Variants in ANO10 observed in about 807,000 individuals in gnomAD.
The protein encoded by ANO10 is anoctamin-10.
A neutral mutation model predicts 74.7 loss-of-function variants in ANO10; 77 were observed. That is an observed-to-expected ratio of 1.03 (90% CI 0.86 to 1.25). ANO10 has a LOEUF of 1.25. ANO10 is among the 50% of genes most tolerant of loss of function. ANO10 has a pLI of 0.00. For synonymous variants in ANO10, 279 were observed against 284.9 expected (o/e 0.98, Z 0.21); for missense variants, 721 against 778.1 (o/e 0.93, Z 0.87).
At chr3:43,675,574 C>T (rs1262527183) in intron 1 of ANO10, among the ~76,000 whole-genome samples, 3 of 151,842 alleles carry the variant, frequency 2.0e-5, no homozygotes, top group Non-Finnish European at 2.9e-5. Flanking sequence ...ATTGATACCT[C>T]ATTTTGAAAA....
At chr3:43,612,485 G>A (rs1264913096) in intron 1 of ANO10, among the ~76,000 whole-genome samples, 1 of 152,004 alleles carries the variant, frequency 6.6e-6, no homozygotes, top group Non-Finnish European at 1.5e-5. Flanking sequence ...CAAAATAGTG[G>A]AGCCAAGCTG....
chr3:43,437,160 T>C (rs1283616337), intron 11 of ANO10, among the ~76,000 whole-genome samples: 2 of 152,218 alleles, frequency 1.3e-5, no homozygotes, highest in African/African-American at 4.8e-5. Flanking sequence ...CATGTACATC[T>C]ACTTCTTCTA....
intron 1 of ANO10, among the ~76,000 whole-genome samples, chr3:43,668,968 ATTAT>A (rs1342154723): frequency 6.6e-6 from 1 of 152,150 alleles, no homozygotes; most frequent in Non-Finnish European, 1.5e-5. Context: ...CTTTAAAAAC[ATTAT>A]TTTAGTTGTT....
intron 11 of ANO10, among the ~76,000 whole-genome samples, chr3:43,543,951 A>T (rs940322921): frequency 3.3e-5 from 5 of 152,180 alleles, no homozygotes; most frequent in South Asian, 2.1e-4. Flanking sequence ...TGATAGGTAC[A>T]TCTTGCCAAG....
At chr3:43,392,460 C>T (rs1452202853) in intron 12 of ANO10, among the ~76,000 whole-genome samples, 1 of 152,210 alleles carries the variant, frequency 6.6e-6, no homozygotes, top group Non-Finnish European at 1.5e-5. Context: ...GATCCCATAT[C>T]AGGAACTGTA....
chr3:43,602,563 T>C (rs1042396566), intron 2 of ANO10, among the ~76,000 whole-genome samples: 1 of 152,312 alleles, frequency 6.6e-6, no homozygotes, highest in South Asian at 2.1e-4. Flanking sequence ...CTCAAACTCC[T>C]GACCTCAAGT....
chr3:43,418,471 C>A (rs1233848980), intron 12 of ANO10, among the ~76,000 whole-genome samples: 1 of 152,178 alleles, frequency 6.6e-6, no homozygotes, highest in African/African-American at 2.4e-5. Flanking sequence ...ATCACATATC[C>A]TTCTTAGTGA....
intron 11 of ANO10, among the ~76,000 whole-genome samples, chr3:43,521,646 G>A (rs1195629204): frequency 6.6e-6 from 1 of 152,200 alleles, no homozygotes; most frequent in Non-Finnish European, 1.5e-5. Context: ...GGAAAATGAA[G>A]TGTTGACGAG....
At chr3:43,520,306 A>C (rs1448401050) in intron 11 of ANO10, among the ~76,000 whole-genome samples, 2 of 152,186 alleles carry the variant, frequency 1.3e-5, no homozygotes, top group African/African-American at 4.8e-5. Flanking sequence ...ATAGCTTATA[A>C]ACAACAGAAA....
At chr3:43,589,404 C>A (rs899566156) in intron 4 of ANO10, among the ~76,000 whole-genome samples, 1 of 152,076 alleles carries the variant, frequency 6.6e-6, no homozygotes, top group Non-Finnish European at 1.5e-5. Flanking sequence ...CTGAAGCAAT[C>A]GGCTGGGCGC....
rs746501335 is a variant in ANO10, at chr3:43,549,701, A to C, written c.1797+19T>G. ...CGTAATATGGATACTGCTTAAAATA[A>C]GTTTAAATCTTTACTTACCTCCACT... On this transcript the variant is annotated intron_variant, in intron 11 of 12. Transcript: ENST00000292246. 6 of 1,613,498 alleles carry C rather than the reference A, an allele frequency of 3.7e-6. No homozygotes were observed. In the East Asian group the frequency reaches 1.1e-4, roughly 30 times the overall value.
Position 43,366,664 on chromosome 3 carries a change from G to T in ANO10, c.*242C>A. The T allele has an allele frequency of 1.7e-6, 1 of 582,184 alleles. No individual in the cohort carries two copies. Among genetic ancestry groups the T allele is most frequent in the Non-Finnish European group, 3.1e-6 (1 of 324,838 alleles). 36.1% of individuals were successfully genotyped at this position (582,184 alleles called of 1,614,324 possible). A position where few individuals can be genotyped will look rare whatever the true frequency, so the allele number is the denominator to read the frequency against. On this transcript the variant is annotated 3_prime_UTR_variant, in exon 13 of 13. Transcript: ENST00000292246. ...AAGTTGGCAGCTGGAGCAGCGTGTG[G>T]GGCCCGGGAAGGAACTGGGAAGGAG... is the stretch of plus-strand genomic sequence containing the variant.
chr3:43,644,292 T>C (rs1327213532), intron 1 of ANO10, among the ~76,000 whole-genome samples: 2 of 152,162 alleles, frequency 1.3e-5, no homozygotes, highest in Admixed American at 1.3e-4. Context: ...CAACACTATG[T>C]ATTTAAAAGC....
chr3:43,519,246 T>C (rs1366524800), intron 11 of ANO10, among the ~76,000 whole-genome samples: 1 of 152,188 alleles, frequency 6.6e-6, no homozygotes, highest in Non-Finnish European at 1.5e-5. Flanking sequence ...TTAACAGCAT[T>C]GTGCCTTATT....
At chr3:43,607,195 T>C (rs1332130374) in intron 1 of ANO10, among the ~76,000 whole-genome samples, 2 of 152,052 alleles carry the variant, frequency 1.3e-5, no homozygotes, top group East Asian at 1.9e-4. Context: ...TTTTTAAAAA[T>C]TTGTGAATAA....
intron 5 of ANO10, among the ~76,000 whole-genome samples, chr3:43,578,618 T>G (rs1170074327): frequency 6.6e-6 from 1 of 151,856 alleles, no homozygotes; most frequent in African/African-American, 2.4e-5. Context: ...GGCATGGTGG[T>G]GTGTACCTGT....
At chr3:43,540,824 A>G (rs1358865617) in intron 11 of ANO10, among the ~76,000 whole-genome samples, 1 of 152,244 alleles carries the variant, frequency 6.6e-6, no homozygotes, top group African/African-American at 2.4e-5. Context: ...TATCTCTTGC[A>G]TAATTCTGTC....
intron 12 of ANO10, among the ~76,000 whole-genome samples, chr3:43,429,716 T>A (rs528225549): frequency 1.3e-5 from 2 of 152,316 alleles, no homozygotes; most frequent in East Asian, 3.9e-4. Flanking sequence ...GCAGTGTGTA[T>A]GTGCATGCAT....
rs755525968 is a variant in ANO10, at chr3:43,555,155, CCAAA to C, written c.1668+119_1668+122del. The C allele has an allele frequency of 4.2e-4, 419 of 999,308 alleles. 1 individual carries two copies. The highest frequency in any genetic ancestry group is 5.5e-4 in the Non-Finnish European group (361 of 655,506). 61.9% of individuals were successfully genotyped at this position (999,308 alleles called of 1,614,324 possible). On this transcript the variant is annotated intron_variant, in intron 10 of 12. Coordinates refer to ENST00000292246, the MANE Select transcript of ANO10 (RefSeq NM_018075.5). ...CCAAGGCCACACAGCTAGTTTGTAG[CCAAA>C]CAAACAAATTCAGTTTTCCTAAATC...
Sources: gnomAD v4.1 joint callset for allele counts (sites outside exome capture counted in the v4.1 genomes callset) on GRCh38, gnomAD v4.1.1 for gene constraint, MANE v1.5 for transcripts, NCBI Gene and HGNC (gene_info 2026-07-23, HGNC 2026-07-21) for gene names.